Variants in NXN observed in about 807,000 individuals in gnomAD.
NXN encodes the protein nucleoredoxin, also known as nucleoredoxin 1.
A neutral mutation model predicts 48.6 loss-of-function variants in NXN; 16 were observed. That is an observed-to-expected ratio of 0.33 (90% CI 0.22 to 0.50). The LOEUF (loss-of-function observed/expected upper bound fraction) is 0.50, where lower values mean the gene tolerates loss of function less well. Ranked by LOEUF, NXN falls within the 20% of genes least tolerant of loss-of-function variation. The probability of loss-of-function intolerance (pLI) is 0.98; values close to 1 mark genes in which losing one functional copy is unlikely to be tolerated. For synonymous variants in NXN, 281 were observed against 269.6 expected, an observed-to-expected ratio of 1.04 and a Z score of -0.41; for missense variants, 492 against 605.5, an observed-to-expected ratio of 0.81 and a Z score of 1.97.
intron 1 of NXN, among the ~76,000 whole-genome samples, chr17:876,003 G>T (rs900671474): frequency 6.6e-6 from 1 of 152,004 alleles, no homozygotes; most frequent in African/African-American, 2.4e-5. Context: ...CTATCAGGGT[G>T]AAACCCCGTC....
intron 1 of NXN, among the ~76,000 whole-genome samples, chr17:948,821 C>T (rs1190678775): frequency 4.0e-5 from 6 of 149,972 alleles, no homozygotes; most frequent in Non-Finnish European, 7.4e-5. Flanking sequence ...TCCTCCTCTC[C>T]CCGCGGCCTC....
intron 1 of NXN, among the ~76,000 whole-genome samples, chr17:916,481 A>G (rs1188030613): frequency 6.6e-6 from 1 of 152,220 alleles, no homozygotes. Context: ...AACACATTCC[A>G]AAACTTAAAA....
chr17:939,889 G>A (rs1462650118), intron 1 of NXN, among the ~76,000 whole-genome samples: 1 of 152,092 alleles, frequency 6.6e-6, no homozygotes, highest in Non-Finnish European at 1.5e-5. Context: ...CAACACTGTG[G>A]CGGGCCCTGC....
intron 1 of NXN, among the ~76,000 whole-genome samples, chr17:843,020 GAA>G (rs1427985764): frequency 1.6e-5 from 2 of 126,096 alleles, no homozygotes; most frequent in African/African-American, 3.2e-5. Context: ...AAGAAAGAAA[GAA>G]AGAAAGAAAG....
rs144643515 is a variant in NXN at position 847,527 on chromosome 17, G to A, written c.361-21449C>T. ...GGTAATGTCACCTCACTGGGAATCC[G>A]GCAAGCCAGGCGTGTCCACAGCTCT... On this transcript the variant is annotated intron_variant, in intron 1 of 7. Coordinates refer to ENST00000336868, the MANE Select transcript of NXN (RefSeq NM_022463.5). 7.2e-5 allele frequency among the ~76,000 whole-genome samples: 11 copies of A among 152,246 alleles called. No individual in the cohort carries two copies. The East Asian group carries it at 1.5e-3, about 21-fold the overall frequency.
intron 5 of NXN, among the ~76,000 whole-genome samples, chr17:808,397 G>A (rs1398439854): frequency 6.6e-6 from 1 of 151,512 alleles, no homozygotes; most frequent in Non-Finnish European, 1.5e-5. Context: ...CCACCTCCCG[G>A]GTTCAAGCGA....
chr17:824,025 C>A lies in NXN; in HGVS notation c.479-260G>T, dbSNP rs190994903. On this transcript the variant is annotated intron_variant, in intron 2 of 7. Transcript: ENST00000336868. ...AACCTGGATGGGTCACAAGGTCTGTCTTCCAGGGACATTTTTTTTTTTTTT... is the reference window on the plus strand; with the variant it reads ...AACCTGGATGGGTCACAAGGTCTGTATTCCAGGGACATTTTTTTTTTTTTT... 4.7e-5 allele frequency among the ~76,000 whole-genome samples: 7 copies of A among 147,614 alleles called. No homozygotes were observed. The East Asian group carries it at 1.2e-3, about 25-fold the overall frequency.
At chr17:926,527 GTTTTTTGTTTT>G (rs1190163521) in intron 1 of NXN, among the ~76,000 whole-genome samples, 4 of 56,332 alleles carry the variant, frequency 7.1e-5, no homozygotes, top group African/African-American at 1.3e-4. Context: ...AGTATCCCAT[GTTTTTTGTTTT>G]TTTTTTGTTT....
chr17:875,643 G>A (rs1290772425), intron 1 of NXN, among the ~76,000 whole-genome samples: 1 of 151,842 alleles, frequency 6.6e-6, no homozygotes, highest in Non-Finnish European at 1.5e-5. Flanking sequence ...CCAGGCTGGA[G>A]TACGGTGGTG....
chr17:970,016 G>A (rs1361772409), intron 1 of NXN, among the ~76,000 whole-genome samples: 2 of 152,198 alleles, frequency 1.3e-5, no homozygotes, highest in Non-Finnish European at 1.5e-5. Flanking sequence ...AGAAGGAAGC[G>A]ACGAAGTGAA....
At chr17:840,071 T>C (rs2144701770) in intron 1 of NXN, among the ~76,000 whole-genome samples, 1 of 145,732 alleles carries the variant, frequency 6.9e-6, no homozygotes, top group Non-Finnish European at 1.5e-5. Context: ...CACTCCAGCG[T>C]GGGCGACAGA....
intron 1 of NXN, among the ~76,000 whole-genome samples, chr17:946,527 C>T (rs548961960): frequency 6.6e-6 from 1 of 152,310 alleles, no homozygotes; most frequent in Non-Finnish European, 1.5e-5. Flanking sequence ...CTCCCTCTTG[C>T]AAGAGTCCGT....
chr17:951,571 G>A (rs1301158716), intron 1 of NXN, among the ~76,000 whole-genome samples: 1 of 150,646 alleles, frequency 6.6e-6, no homozygotes, highest in Non-Finnish European at 1.5e-5. Context: ...GGGCGGGGGC[G>A]GGGGTTGGGG....
At chr17:971,487 G>A (rs545396285) in intron 1 of NXN, among the ~76,000 whole-genome samples, 1 of 151,892 alleles carries the variant, frequency 6.6e-6, no homozygotes, top group African/African-American at 2.4e-5. Context: ...GAGGCAGGTG[G>A]ATCATGAGGT....
At chr17:901,900 A>T (rs749917739) in intron 1 of NXN, among the ~76,000 whole-genome samples, 3 of 152,078 alleles carry the variant, frequency 2.0e-5, no homozygotes, top group Non-Finnish European at 4.4e-5. Context: ...GGGTTTCGCC[A>T]TGATGGCCAG....
chr17:833,879 G>A lies in NXN; in HGVS notation c.361-7801C>T, dbSNP rs181126815. ...CCTAAGATGACGTTAACAGTGAAGAGCGGGTGATTAAAAAAGAAAAAAAAA... is the reference window on the plus strand; with the variant it reads ...CCTAAGATGACGTTAACAGTGAAGAACGGGTGATTAAAAAAGAAAAAAAAA... On this transcript the variant is annotated intron_variant, in intron 1 of 7. Transcript: ENST00000336868. Among the ~76,000 whole-genome samples, 471 of 152,242 alleles carry A rather than the reference G, an allele frequency of 3.1e-3. 3 individuals carry two copies. Among genetic ancestry groups the A allele is most frequent in the African/African-American group, 0.01 (420 of 41,542 alleles).
chr17:909,447 C>T (rs946200460), intron 1 of NXN, among the ~76,000 whole-genome samples: 4 of 151,934 alleles, frequency 2.6e-5, no homozygotes, highest in South Asian at 2.1e-4. Context: ...ATCAAGCCAC[C>T]GAAAACCTGT....
intron 6 of NXN, 43 bp downstream of exon 6, chr17:805,025 C>G (rs1280987521): frequency 4.0e-6 from 6 of 1,518,612 alleles, no homozygotes; most frequent in Non-Finnish European, 5.4e-6. Flanking sequence ...TCCTGTCCCG[C>G]CCCCCAGCCA....
At chr17:888,642 A>G (rs1201565054) in intron 1 of NXN, among the ~76,000 whole-genome samples, 1 of 151,930 alleles carries the variant, frequency 6.6e-6, no homozygotes, top group Non-Finnish European at 1.5e-5. Flanking sequence ...GACATTCTAG[A>G]TGCATCAGAA....
Sources: gnomAD v4.1 joint callset for allele counts (sites outside exome capture counted in the v4.1 genomes callset) on GRCh38, gnomAD v4.1.1 for gene constraint, MANE v1.5 for transcripts, NCBI Gene and HGNC (gene_info 2026-07-23, HGNC 2026-07-21) for gene names.